Variants in CLU observed in about 807,000 individuals in gnomAD.
CLU encodes the protein aging-associated protein 4.
CLU carries 25 observed loss-of-function variants against 46.4 expected under a neutral mutation model. That is an observed-to-expected ratio of 0.54 (90% CI 0.39 to 0.75). The LOEUF (loss-of-function observed/expected upper bound fraction) is 0.75. Among genes scored for constraint, CLU ranks in the 30% least tolerant of loss-of-function variants. The probability of loss-of-function intolerance (pLI) is 0.00; values close to 1 mark genes in which losing one functional copy is unlikely to be tolerated. For synonymous variants in CLU, 235 were observed against 235.1 expected (o/e 1.00, Z 0.00); for missense variants, 504 against 592.1 (o/e 0.85, Z 1.54).
intron 2 of CLU, among the ~76,000 whole-genome samples, chr8:27,609,401 A>AG (rs1272614050): frequency 3.3e-5 from 5 of 151,932 alleles, no homozygotes; most frequent in African/African-American, 1.2e-4. Context: ...CAAGGAAAAA[A>AG]AAAAACCCAG....
intron 6 of CLU, 89 bp downstream of exon 6, chr8:27,604,198 TCTGA>T: frequency 2.0e-6 from 2 of 986,706 alleles, no homozygotes; most frequent in African/African-American, 3.2e-5. Flanking sequence ...CGCTTATCTG[TCTGA>T]CTCCATAAAG....
Position 27,599,537 on chromosome 8 carries a change from C to T in CLU, c.1164+243G>A, listed in dbSNP as rs1237870321. Reference sequence around the variant, plus strand: ...CAGCCAGGCAGTCAGGTTCAAATACCCGTCCAAGTCATCTGTCAGCTATCA... The same window carrying T: ...CAGCCAGGCAGTCAGGTTCAAATACTCGTCCAAGTCATCTGTCAGCTATCA... On this transcript the variant is annotated intron_variant, in intron 7 of 8. Transcript: ENST00000316403. The surrounding 1 kb of genome is among the most constrained non-coding windows in gnomAD (Gnocchi z 4.0). 5.7e-6 allele frequency: 3 copies of T among 529,684 alleles called. No homozygotes were observed. Among genetic ancestry groups the T allele is most frequent in the African/African-American group, 1.9e-5 (1 of 52,480 alleles). 32.8% of individuals were successfully genotyped at this position (529,684 alleles called of 1,614,324 possible).
chr8:27,611,094 G>A (rs1381633691), intron 1 of CLU: 12 of 417,816 alleles, frequency 2.9e-5, no homozygotes, highest in Admixed American at 2.5e-4. Context: ...CACCCCAGCA[G>A]ACGCTCCCCA....
chr8:27,604,491 C>T (rs28541694), intron 5 of CLU, 96 bp from the exon 6 acceptor site: 2 of 1,035,080 alleles, frequency 1.9e-6, no homozygotes, highest in Non-Finnish European at 1.5e-6. Flanking sequence ...TTTTAATTTA[C>T]AGACAGGGTC....
chr8:27,599,824 T>C lies in CLU; in HGVS notation c.1120A>G (p.Asn374Asp). Reference protein sequence around the residue: ...EQFNWVSRLANLTQGEDQYYL... With the variant: ...EQFNWVSRLADLTQGEDQYYL... ...TACTGGTCTTCGCCTTGCGTGAGGT[T>C]TGCCAGCCGGGACACCCAGTTAAAC... Residue 374 changes from asparagine to aspartate, a missense_variant, in exon 7 of 9, where the codon AAC (asparagine) becomes GAC (aspartate). Transcript: ENST00000316403. This position sits in a 1 kb window ranked among gnomAD's most constrained non-coding sequence, Gnocchi z 4.0. The C allele has an allele frequency of 6.2e-7, 1 of 1,614,018 alleles. No homozygotes were observed.
chr8:27,604,093 A>C (rs1172707772), intron 6 of CLU, 198 bp downstream of exon 6: 6 of 610,644 alleles, frequency 9.8e-6, no homozygotes, highest in Non-Finnish European at 1.5e-5. Context: ...ACAGCCTCGC[A>C]TCATCATCTC....
intron 6 of CLU, 67 bp downstream of exon 6, chr8:27,604,224 G>A: frequency 3.3e-6 from 4 of 1,230,758 alleles, no homozygotes; most frequent in South Asian, 2.4e-5. Context: ...CAGCACCAGT[G>A]AGGCCCCAGT....
chr8:27,601,847 T>C (rs1269007819), intron 6 of CLU, among the ~76,000 whole-genome samples: 1 of 151,904 alleles, frequency 6.6e-6, no homozygotes, highest in East Asian at 1.9e-4. Flanking sequence ...TCCCAGCACT[T>C]TGGGAGGCTG....
Position 27,606,484 on chromosome 8 carries a change from T to A in CLU, c.287A>T (p.Lys96Met). The A allele has an allele frequency of 6.2e-7, 1 of 1,614,230 alleles. No homozygotes were observed. The highest frequency in any genetic ancestry group is 8.5e-7 in the Non-Finnish European group (1 of 1,180,036). The change falls in exon 4 of 9, where the codon AAG (lysine) becomes ATG (methionine). Residue 96 changes from lysine (K) to methionine (M), a missense_variant. Coordinates refer to ENST00000316403, the MANE Select transcript of CLU (RefSeq NM_001831.4). ...CTCATTGCACACTCCTGGGAGCTCC[T>A]TCAGCTTTGTCTCTGATTCCCTGGT... Reference protein sequence around the residue: ...NETRESETKLKELPGVCNETM... With the variant: ...NETRESETKLMELPGVCNETM...
chr8:27,598,294 A>G (rs1426808905), intron 8 of CLU, 44 bp from the exon 9 acceptor site: 1 of 1,611,562 alleles, frequency 6.2e-7, no homozygotes, highest in Non-Finnish European at 8.5e-7. Context: ...ACATCCTCCA[A>G]AGGAAAAATA....
Position 27,599,816 on chromosome 8 carries a change from C to A in CLU, c.1128G>T (p.Thr376=). 3.1e-6 allele frequency: 5 copies of A among 1,613,726 alleles called. No individual in the cohort carries two copies. Among genetic ancestry groups the A allele is most frequent in the Non-Finnish European group, 4.2e-6 (5 of 1,179,838 alleles). ...GCAGATAGTACTGGTCTTCGCCTTG[C>A]GTGAGGTTTGCCAGCCGGGACACCC... ...FNWVSRLANL[T]QGEDQYYLRV... The change falls in exon 7 of 9, where the codon ACG becomes ACT. Residue 376 remains threonine (T), a synonymous_variant. Transcript: ENST00000316403. The surrounding 1 kb of genome is among the most constrained non-coding windows in gnomAD (Gnocchi z 4.0).
In CLU at chr8:27,597,025, T is replaced by C. The variant is rs1351724435; in HGVS notation, c.*1216A>G. 2 of 454,030 alleles carry C rather than the reference T, an allele frequency of 4.4e-6. No homozygotes were observed. The highest frequency in any genetic ancestry group is 8.8e-6 in the Non-Finnish European group (2 of 226,808). The allele number at this position is 454,030 out of a possible 1,614,324, so 28.1% of individuals were successfully genotyped here. A position where few individuals can be genotyped will look rare whatever the true frequency, so the allele number is the denominator to read the frequency against. On this transcript the variant is annotated 3_prime_UTR_variant, in exon 9 of 9. Coordinates refer to ENST00000316403, the MANE Select transcript of CLU (RefSeq NM_001831.4). ...CCATAATTCTAATTAATGTATATCA[T>C]TAAGTGAATCACACTGACTTTACTC...
At position 27,605,296 on chromosome 8, in the gene CLU, A is replaced by G; in HGVS notation, c.457T>C (p.Trp153Arg). The change falls in exon 5 of 9, where the codon TGG becomes CGG. Residue 153 changes from tryptophan (W) to arginine (R), a missense_variant. Physicochemically the swap from Trp to Arg is moderately radical, Grantham distance 101. Around this residue, in one of 3 missense-constraint regions of CLU, gnomAD observed 428 missense variants for 484.0 expected, o/e 0.88. Coordinates refer to ENST00000316403, the MANE Select transcript of CLU (RefSeq NM_001831.4). ...GAGTCGATGCGGTCACCATTCATCCAGAAGTAGAAGGGCGAGCTCTGGTTC... is the reference window on the plus strand; with the variant it reads ...GAGTCGATGCGGTCACCATTCATCCGGAAGTAGAAGGGCGAGCTCTGGTTC... ...FLNQSSPFYF[W>R]MNGDRIDSLL... 6.2e-7 allele frequency: 1 copy of G among 1,614,210 alleles called. No individual in the cohort carries two copies. The highest frequency in any genetic ancestry group is 8.5e-7 in the Non-Finnish European group (1 of 1,180,022).
chr8:27,609,525 C>T lies in CLU; in HGVS notation c.98-439G>A, dbSNP rs144615693. 3.1e-3 allele frequency among the ~76,000 whole-genome samples: 478 copies of T among 152,214 alleles called. 3 individuals are homozygous for T. The highest frequency in any genetic ancestry group is 0.011 in the African/African-American group (452 of 41,520). ...TTCTTTGTTCCAATGCAGTGCCAGG[C>T]GACAGGAATAAGAAGATGAGTAAAT... On this transcript the variant is annotated intron_variant, in intron 2 of 8. Transcript: ENST00000316403.
intron 6 of CLU, among the ~76,000 whole-genome samples, chr8:27,600,962 A>G (rs546864570): frequency 6.6e-6 from 1 of 152,252 alleles, no homozygotes; most frequent in South Asian, 2.1e-4. Context: ...AGAATAAATG[A>G]TCTCTGGGCC....
At chr8:27,604,528 A>T in intron 5 of CLU, 133 bp from the exon 6 acceptor site, 1 of 807,812 alleles carries the variant, frequency 1.2e-6, no homozygotes, top group Non-Finnish European at 2.1e-6. Context: ...GCTGGAATGC[A>T]ATGGTGCAAT....
chr8:27,601,845 C>T (rs889402926), intron 6 of CLU, among the ~76,000 whole-genome samples: 6 of 146,830 alleles, frequency 4.1e-5, no homozygotes, highest in Non-Finnish European at 7.5e-5. Flanking sequence ...AATCCCAGCA[C>T]TTTGGGAGGC....
At chr8:27,605,740 C>T (rs1220101281) in intron 4 of CLU, among the ~76,000 whole-genome samples, 1 of 152,148 alleles carries the variant, frequency 6.6e-6, no homozygotes, top group Non-Finnish European at 1.5e-5. Context: ...TAATATACTA[C>T]AAAATCTTAC....
chr8:27,613,938 G>A (rs1800970502), intron 1 of CLU: 1 of 152,144 alleles, frequency 6.6e-6, no homozygotes, highest in South Asian at 2.1e-4. Context: ...AAGGTCAAGA[G>A]GCTTTGGCTC....
Sources: allele counts gnomAD v4.1 joint callset (sites outside exome capture counted in the v4.1 genomes callset), GRCh38; gene constraint gnomAD v4.1.1; regional missense constraint gnomAD v4.1.1; non-coding constraint Gnocchi (gnomAD v3.1); transcripts MANE v1.5; gene names NCBI Gene and HGNC (gene_info 2026-07-23, HGNC 2026-07-21).